The following CMTM7 variants were observed in gnomAD, a reference collection of about 807,000 sequenced individuals.
The protein encoded by CMTM7 is CKLF like MARVEL transmembrane domain containing 7.
Under a neutral mutation model 19.3 loss-of-function variants are expected in CMTM7, and 7 were observed. The ratio of observed to expected loss-of-function variants is 0.36; its 90% CI spans 0.21 to 0.68. The LOEUF (loss-of-function observed/expected upper bound fraction) is 0.68. Ranked by LOEUF, CMTM7 falls within the 30% of genes least tolerant of loss-of-function variation. The pLI, the probability that CMTM7 is intolerant of heterozygous loss-of-function variation, is 0.60. For synonymous variants in CMTM7, 87 were observed against 99.3 expected, an observed-to-expected ratio of 0.88 and a Z score of 0.74; for missense variants, 193 against 232.6, an observed-to-expected ratio of 0.83 and a Z score of 1.11.
At chr3:32,406,598 A>G (rs138996266) in intron 1 of CMTM7, among the ~76,000 whole-genome samples, 59 of 152,334 alleles carry the variant, frequency 3.9e-4, no homozygotes, top group African/African-American at 1.2e-3. Flanking sequence ...GCGGAGTCTA[A>G]GTAGGGAACA....
At chr3:32,433,705 A>T (rs768197512) in intron 1 of CMTM7, among the ~76,000 whole-genome samples, 1 of 152,172 alleles carries the variant, frequency 6.6e-6, no homozygotes, top group Admixed American at 6.5e-5. Context: ...TTTAAATGCA[A>T]GAGTGTCATG....
intron 1 of CMTM7, among the ~76,000 whole-genome samples, chr3:32,394,884 T>C (rs1306009887): frequency 2.6e-5 from 4 of 151,370 alleles, no homozygotes; most frequent in Non-Finnish European, 5.9e-5. Flanking sequence ...TTAGTAGAGA[T>C]GGGGTTTCAC....
At chr3:32,409,565 G>A (rs557367957) in intron 1 of CMTM7, among the ~76,000 whole-genome samples, 20 of 152,282 alleles carry the variant, frequency 1.3e-4, no homozygotes, top group African/African-American at 4.8e-4. Flanking sequence ...ATCATAAGGT[G>A]TATTCAGTTG....
At chr3:32,409,200 A>G (rs1696136624) in intron 1 of CMTM7, among the ~76,000 whole-genome samples, 2 of 152,222 alleles carry the variant, frequency 1.3e-5, no homozygotes, top group Admixed American at 1.3e-4. Flanking sequence ...TTATTTATAA[A>G]TAATCCCAGG....
At chr3:32,410,205 C>A (rs17029405) in intron 1 of CMTM7, among the ~76,000 whole-genome samples, 17,922 of 152,142 alleles carry the variant, frequency 0.12, 1,135 homozygotes, top group South Asian at 0.17. Context: ...CAGCACTTTG[C>A]CAGCCAGAAT....
intron 1 of CMTM7, among the ~76,000 whole-genome samples, chr3:32,417,696 CT>C (rs1398520166): frequency 6.6e-5 from 10 of 152,094 alleles, no homozygotes; most frequent in Admixed American, 6.5e-4. Flanking sequence ...TATGAGAGTT[CT>C]TGTTGTTTAC....
chr3:32,416,361 A>ATTTTTCTTT (rs780778458), intron 1 of CMTM7, among the ~76,000 whole-genome samples: 1 of 72,442 alleles, frequency 1.4e-5, no homozygotes, highest in Non-Finnish European at 2.5e-5. Context: ...ATCCGGGCTA[A>ATTTTTCTTT]TTTTTTTTTT....
chr3:32,392,110 C>G (rs1053535266), intron 1 of CMTM7, 45 bp downstream of exon 1: 23 of 1,222,290 alleles, frequency 1.9e-5, no homozygotes, highest in Non-Finnish European at 2.3e-5. Context: ...CAGGGCGTCC[C>G]GGGAAAGCAG....
intron 1 of CMTM7, among the ~76,000 whole-genome samples, chr3:32,396,646 T>C (rs1332720601): frequency 6.6e-6 from 1 of 151,964 alleles, no homozygotes; most frequent in Non-Finnish European, 1.5e-5. Flanking sequence ...TGGATGAGTG[T>C]GAGGGGGCAA....
At chr3:32,415,274 C>T (rs1696243784) in intron 1 of CMTM7, among the ~76,000 whole-genome samples, 1 of 152,166 alleles carries the variant, frequency 6.6e-6, no homozygotes, top group Non-Finnish European at 1.5e-5. Flanking sequence ...TGTGGATACA[C>T]TCTCTAAAGG....
rs1292305013 is a variant in CMTM7, at chr3:32,452,391, G to C, written c.433-1G>C. On this transcript the variant is annotated splice_acceptor_variant, in intron 3 of 4. Transcript: ENST00000334983. LOFTEE classifies it high-confidence loss of function. Reference sequence around the variant, plus strand: ...CTTCCTCTCCCCTCTCTCCACTGCAGATCTTTGGTTTCATGGCCACCTTCC... The same window carrying C: ...CTTCCTCTCCCCTCTCTCCACTGCACATCTTTGGTTTCATGGCCACCTTCC... 1 of 1,614,184 alleles carries C rather than the reference G, an allele frequency of 6.2e-7. No homozygotes were observed. Among genetic ancestry groups the C allele is most frequent in the Non-Finnish European group, 8.5e-7 (1 of 1,180,032 alleles).
chr3:32,410,066 C>T lies in CMTM7; in HGVS notation c.159+18001C>T, dbSNP rs138149769. 4.0e-3 allele frequency among the ~76,000 whole-genome samples: 607 copies of T among 152,306 alleles called. 6 individuals carry two copies. Among genetic ancestry groups the T allele is most frequent in the African/African-American group, 0.013 (554 of 41,568 alleles). On this transcript the variant is annotated intron_variant, in intron 1 of 4. Coordinates refer to ENST00000334983, the MANE Select transcript of CMTM7 (RefSeq NM_138410.4). ...CAAAAACAAACCCAGGTCTAGGGTG[C>T]TCTGCTTCCCCTCTGGACTGCCCCC...
In CMTM7 at chr3:32,439,988, A is replaced by G. The variant is rs184362631; in HGVS notation, c.160-1852A>G. Among the ~76,000 whole-genome samples, 36 of 152,268 alleles carry G rather than the reference A, an allele frequency of 2.4e-4. No homozygotes were observed. In the East Asian group the frequency reaches 7.0e-3, roughly 29 times the overall value. On this transcript the variant is annotated intron_variant, in intron 1 of 4. Transcript: ENST00000334983. ...CGCAAATTGTGTAAACCAAAAATAT[A>G]TACACACATTGCCAAATGTCCCATA...
intron 1 of CMTM7, among the ~76,000 whole-genome samples, chr3:32,435,074 C>CA (rs1484738465): frequency 1.3e-5 from 2 of 152,164 alleles, no homozygotes; most frequent in African/African-American, 2.4e-5. Flanking sequence ...CATATGCTTT[C>CA]ACTCAGTAAT....
intron 1 of CMTM7, among the ~76,000 whole-genome samples, chr3:32,404,439 G>A (rs347130): frequency 0.29 from 43,740 of 152,100 alleles, 7,774 homozygotes; most frequent in South Asian, 0.42. Flanking sequence ...GGGATTACAG[G>A]TGTGAGCCAC....
In CMTM7 at chr3:32,434,865, G is replaced by A. The variant is rs142727495; in HGVS notation, c.160-6975G>A. Among the ~76,000 whole-genome samples the A allele has an allele frequency of 3.1e-3, 465 of 152,178 alleles. 2 individuals are homozygous for A. Among genetic ancestry groups the A allele is most frequent in the African/African-American group, 0.011 (450 of 41,514 alleles). On this transcript the variant is annotated intron_variant, in intron 1 of 4. Coordinates refer to ENST00000334983, the MANE Select transcript of CMTM7 (RefSeq NM_138410.4). ...AGCAATAGAAAATTAGGCCAAGAAC[G>A]TGAAAAGGCAGTAGCCAATAAACAT...
chr3:32,392,659 A>T (rs1414141632), intron 1 of CMTM7, among the ~76,000 whole-genome samples: 1 of 152,088 alleles, frequency 6.6e-6, no homozygotes, highest in Non-Finnish European at 1.5e-5. Flanking sequence ...TCAAGTTCCG[A>T]GGGAGGGCCC....
Position 32,452,969 on chromosome 3 carries a change from C to T in CMTM7, c.514+496C>T, listed in dbSNP as rs752051923. On this transcript the variant is annotated intron_variant, in intron 4 of 4. Coordinates refer to ENST00000334983, the MANE Select transcript of CMTM7 (RefSeq NM_138410.4). ...TTTTTTTTTTAGAGTTGGAGTCTCA[C>T]CATGTTGCCCAGGCTGGTCTCAAAC... Among the ~76,000 whole-genome samples, 181 of 112,240 alleles carry T rather than the reference C, an allele frequency of 1.6e-3. 1 individual carries two copies. Among genetic ancestry groups the T allele is most frequent in the Non-Finnish European group, 2.5e-3 (151 of 59,568 alleles). The allele number at this position is 112,240 out of a possible 152,430, so 73.6% of individuals were successfully genotyped here.
chr3:32,392,591 C>A (rs1695856121), intron 1 of CMTM7, among the ~76,000 whole-genome samples: 1 of 152,192 alleles, frequency 6.6e-6, no homozygotes. Context: ...GTCTTGTGTT[C>A]CATAGTGGGG....
Sources: allele counts gnomAD v4.1 joint callset (sites outside exome capture counted in the v4.1 genomes callset), GRCh38; gene constraint gnomAD v4.1.1; transcripts MANE v1.5; gene names NCBI Gene and HGNC (gene_info 2026-07-23, HGNC 2026-07-21).